Variants in MAP1A observed in about 807,000 individuals in gnomAD.
MAP1A encodes the protein microtubule-associated protein 1A.
A neutral mutation model predicts 185.9 loss-of-function variants in MAP1A; 42 were observed. The observed-to-expected ratio is 0.23, with a 90% CI of 0.18 to 0.29. The LOEUF (loss-of-function observed/expected upper bound fraction) is 0.29. Ranked by LOEUF, MAP1A falls within the 10% of genes least tolerant of loss-of-function variation. MAP1A has a pLI of 1.00. For missense variants in MAP1A, 2,995 were observed against 3,450.4 expected, an observed-to-expected ratio of 0.87 and a Z score of 3.31; for synonymous variants, 1,229 against 1,335.9, an observed-to-expected ratio of 0.92 and a Z score of 1.74.
intron 1 of MAP1A, among the ~76,000 whole-genome samples, chr15:43,511,423 A>C (rs1869258): frequency 0.46 from 70,342 of 151,934 alleles, 21,113 homozygotes; most frequent in African/African-American, 0.86. Context: ...GCCCATCCTT[A>C]CTGCACACTC....
chr15:43,526,267 A>C lies in MAP1A; in HGVS notation c.4794A>C (p.Glu1598Asp). 6.2e-7 allele frequency: 1 copy of C among 1,614,146 alleles called. No homozygotes were observed. The highest frequency in any genetic ancestry group is 8.5e-7 in the Non-Finnish European group (1 of 1,180,010). ...CCAGGAAACCAAAGATGCTAGAGGAAAAATCCCCAGAAAAGGTCAAGGCCA... is the reference window on the plus strand; with the variant it reads ...CCAGGAAACCAAAGATGCTAGAGGACAAATCCCCAGAAAAGGTCAAGGCCA... ...DKTRKPKMLEEKSPEKVKAME... is the reference protein window; with the variant it reads ...DKTRKPKMLEDKSPEKVKAME... The change falls in exon 4 of 6, where the codon GAA becomes GAC. Residue 1598 changes from glutamate to aspartate, a missense_variant. Glu to Asp is a conservative substitution (Grantham distance 45). Around this residue, in one of 3 missense-constraint regions of MAP1A, gnomAD observed 2,728 missense variants for 2,986.0 expected, o/e 0.91. Transcript: ENST00000300231. The surrounding 1 kb of genome is among the most constrained non-coding windows in gnomAD (Gnocchi z 4.7).
Position 43,522,504 on chromosome 15 carries a change from G to A in MAP1A, c.1031G>A (p.Gly344Glu), listed in dbSNP as rs200513920. Residue 344 changes from glycine to glutamate, a missense_variant, in exon 4 of 6, where the codon GGA becomes GAA. By Grantham distance (98) the Gly-to-Glu change is moderately conservative. Around this residue, in one of 3 missense-constraint regions of MAP1A, gnomAD observed 2,728 missense variants for 2,986.0 expected, o/e 0.91. Transcript: ENST00000300231. This position sits in a 1 kb window ranked among gnomAD's most constrained non-coding sequence, Gnocchi z 5.9. ...AAACGGGAGGAGGTGGTAGAAGAGG[G>A]AGCCAAGGAGGCACGTTCAGAGCTG... ...LAKREEVVEE[G>E]AKEARSELAK... The A allele has an allele frequency of 1.3e-4, 212 of 1,613,640 alleles. No homozygotes were observed. Among genetic ancestry groups the A allele is most frequent in the Non-Finnish European group, 1.6e-4 (184 of 1,179,890 alleles).
Position 43,511,076 on chromosome 15 carries a change from CT to C in MAP1A, c.89del (p.Leu30ArgfsTer29), listed in dbSNP as rs1182454096. On this transcript the variant is annotated frameshift_variant, in exon 1 of 7. Coordinates refer to the MAP1A transcript ENST00000382031. LOFTEE classifies it high-confidence loss of function. ...GGGGCTCCGAAGTCCCGGCGCACCG[CT>C]GGCTCAGAACCCCGCGGAGCTGCTG... 3.2e-6 allele frequency: 5 copies of C among 1,549,768 alleles called. No homozygotes were observed. The Admixed American group carries it at 9.8e-5, about 30-fold the overall frequency.
At chr15:43,517,409 T>C (rs551250573), upstream of MAP1A, among the ~76,000 whole-genome samples, 3 of 152,178 alleles carry the variant, frequency 2.0e-5, no homozygotes, top group Admixed American at 2.0e-4. Context: ...CTATGGGCCA[T>C]AGGACATTGC....
chr15:43,523,443 A>C lies in MAP1A; in HGVS notation c.1970A>C (p.Glu657Ala). The change falls in exon 4 of 6, where the codon GAG becomes GCG. Residue 657 changes from glutamate to alanine, a missense_variant. By Grantham distance (107) the Glu-to-Ala change is moderately radical. Transcript: ENST00000300231. ...AAGGAGGATGTGATAGAAAAGGCTG[A>C]GTTAGAAGAAATGGAGGAGGTACAC... Reference protein sequence around the residue: ...EVKEDVIEKAELEEMEEVHPS... With the variant: ...EVKEDVIEKAALEEMEEVHPS... 1 of 1,613,802 alleles carries C rather than the reference A, an allele frequency of 6.2e-7. No individual in the cohort carries two copies. Among genetic ancestry groups the C allele is most frequent in the South Asian group, 1.1e-5 (1 of 91,022 alleles).
At chr15:43,519,876 G>A (rs909009415) in intron 1 of MAP1A, among the ~76,000 whole-genome samples, 1 of 152,238 alleles carries the variant, frequency 6.6e-6, no homozygotes, top group Non-Finnish European at 1.5e-5. Flanking sequence ...ACAATGAATA[G>A]GTTGTGGGGT....
rs1057436170 is a variant in MAP1A, at chr15:43,524,631, C to A, written c.3158C>A (p.Pro1053His). The change falls in exon 4 of 6, where the codon CCT becomes CAT. Residue 1053 changes from proline to histidine, a missense_variant. Pro to His is a moderately conservative substitution (Grantham distance 77). Transcript: ENST00000300231. ...GCTGAGGAGACAGTCAAGCCAGGGCCTGAAGAGGGCACACTAGAGAAGGAA... is the reference window on the plus strand; with the variant it reads ...GCTGAGGAGACAGTCAAGCCAGGGCATGAAGAGGGCACACTAGAGAAGGAA... Reference protein sequence around the residue: ...DAAEETVKPGPEEGTLEKEEK... With the variant: ...DAAEETVKPGHEEGTLEKEEK... 3.7e-6 allele frequency: 6 copies of A among 1,614,052 alleles called. No homozygotes were observed. Among genetic ancestry groups the A allele is most frequent in the Non-Finnish European group, 2.5e-6 (3 of 1,180,034 alleles).
chr15:43,524,770 CTT>C lies in MAP1A; in HGVS notation c.3299_3300del (p.Phe1100Ter), dbSNP rs1362655232. 1 of 1,614,154 alleles carries C rather than the reference CTT, an allele frequency of 6.2e-7. No homozygotes were observed. The highest frequency in any genetic ancestry group is 8.5e-7 in the Non-Finnish European group (1 of 1,180,030). Reference protein sequence around the residue: ...LLPAQDKAIVFEIMEAGEPTG... With the variant: ...LLPAQDKAIVXEIMEAGEPTG... ...TGCCAGCACAGGATAAAGCAATAGT[CTT>C]TGAGATTATGGAGGCAGGAGAGCCC... On this transcript the variant is annotated frameshift_variant, in exon 4 of 6. Transcript: ENST00000300231. LOFTEE classifies it high-confidence loss of function.
At chr15:43,511,134 G>A (rs1190617753) in exon 1 of MAP1A, 5 of 1,550,364 alleles carry the variant, frequency 3.2e-6, no homozygotes, top group Non-Finnish European at 4.4e-6. Flanking sequence ...GCGGCTGCAC[G>A]CTGGGACCTG....
rs1188983412 is a variant in MAP1A, at chr15:43,525,013, C to T, written c.3540C>T (p.Tyr1180=). 5 of 1,614,172 alleles carry T rather than the reference C, an allele frequency of 3.1e-6. No individual in the cohort carries two copies. The African/African-American group carries it at 6.7e-5, about 22-fold the overall frequency. The part of the protein sequence containing the change: ...PKSPCGLTEQ[Y]LHKDRWPEVS... ...CTCCCTGTGGCCTGACAGAACAGTA[C>T]CTACACAAAGACCGTTGGCCAGAGG... Residue 1180 remains tyrosine, a synonymous_variant, in exon 4 of 6, where the codon TAC becomes TAT. Coordinates refer to ENST00000300231, the MANE Select transcript of MAP1A (RefSeq NM_002373.6).
chr15:43,526,008 A>G lies in MAP1A; in HGVS notation c.4535A>G (p.Glu1512Gly), dbSNP rs781223855. 2 of 1,613,714 alleles carry G rather than the reference A, an allele frequency of 1.2e-6. No homozygotes were observed. The highest frequency in any genetic ancestry group is 3.3e-5 in the Admixed American group (2 of 59,870). Residue 1512 changes from glutamate to glycine, a missense_variant, in exon 4 of 6, where the codon GAG becomes GGG. Glu to Gly is a moderately conservative substitution (Grantham distance 98, BLOSUM62 -2). Coordinates refer to ENST00000300231, the MANE Select transcript of MAP1A (RefSeq NM_002373.6). This position sits in a 1 kb window ranked among gnomAD's most constrained non-coding sequence, Gnocchi z 4.7. ...KVRSVEHKAP[E>G]DTVAEMKDRD... is the part of the protein sequence containing the mutation. ...AGAAGTGTTGAACATAAGGCTCCGG[A>G]GGACACGGTCGCTGAAATGAAGGAC...
At chr15:43,518,130 C>T (rs1179342312) in intron 1 of MAP1A, among the ~76,000 whole-genome samples, 2 of 152,168 alleles carry the variant, frequency 1.3e-5, no homozygotes, top group East Asian at 3.9e-4. Context: ...CTCAGCTGCT[C>T]CTATGCTGGG....
At chr15:43,514,981 C>T (rs139753471), upstream of MAP1A, among the ~76,000 whole-genome samples, 1,255 of 152,124 alleles carry the variant, frequency 8.2e-3, 19 homozygotes, top group African/African-American at 0.029. Flanking sequence ...TTTGGGAGGC[C>T]GAGGTGGGTG....
In MAP1A at chr15:43,522,925, C is replaced by A; in HGVS notation, c.1452C>A (p.Val484=). 6.2e-7 allele frequency: 1 copy of A among 1,613,718 alleles called. No homozygotes were observed. The highest frequency in any genetic ancestry group is 8.5e-7 in the Non-Finnish European group (1 of 1,179,822). ...TLYKAKVPGR[V]KIDRSRAIRG... ...ATAAAGCCAAGGTCCCTGGAAGAGT[C>A]AAAATAGACAGGAGCCGTGCTATCC... Residue 484 remains valine (V), a synonymous_variant, in exon 4 of 6, where the codon GTC becomes GTA. Transcript: ENST00000300231. This position sits in a 1 kb window ranked among gnomAD's most constrained non-coding sequence, Gnocchi z 5.9.
Position 43,527,918 on chromosome 15 carries a change from C to T in MAP1A, c.6445C>T (p.Pro2149Ser), listed in dbSNP as rs1376097272. 6 of 1,614,170 alleles carry T rather than the reference C, an allele frequency of 3.7e-6. No individual in the cohort carries two copies. Among genetic ancestry groups the T allele is most frequent in the South Asian group, 1.1e-5 (1 of 91,082 alleles). Reference protein sequence around the residue: ...WPETEAHVSPPLDSHLGPARP... With the variant: ...WPETEAHVSPSLDSHLGPARP... Reference sequence around the variant, plus strand: ...AGAAACTGAGGCACATGTTAGCCCTCCCTTGGACTCACACCTGGGGCCTGC... The same window carrying T: ...AGAAACTGAGGCACATGTTAGCCCTTCCTTGGACTCACACCTGGGGCCTGC... Residue 2149 changes from proline to serine, a missense_variant, in exon 4 of 6, where the codon CCC becomes TCC. By Grantham distance (74) the Pro-to-Ser change is moderately conservative (BLOSUM62 -1). Around this residue, in one of 3 missense-constraint regions of MAP1A, gnomAD observed 2,728 missense variants for 2,986.0 expected, o/e 0.91. Transcript: ENST00000300231.
Position 43,528,844 on chromosome 15 carries a change from G to C in MAP1A, c.7371G>C (p.Leu2457=), listed in dbSNP as rs966954145. 1 of 1,613,274 alleles carries C rather than the reference G, an allele frequency of 6.2e-7. No individual in the cohort carries two copies. The highest frequency in any genetic ancestry group is 2.2e-5 in the East Asian group (1 of 44,866). The change falls in exon 4 of 6, where the codon CTG becomes CTC. Residue 2457 remains leucine, a synonymous_variant. Transcript: ENST00000300231. ...CCCCATCCTTCCTGAACCCACCTCT[G>C]CCCCCATCCATAGATGATAGGGACC... ...ELSPSFLNPP[L]PPSIDDRDLS...
rs558601400 is a variant in MAP1A at position 43,522,788 on chromosome 15, GAGA to G, written c.1321_1323del (p.Lys441del). On this transcript the variant is annotated inframe_deletion, in exon 4 of 6. Transcript: ENST00000300231. The surrounding 1 kb of genome is among the most constrained non-coding windows in gnomAD (Gnocchi z 5.9). ...CAAGAAGGATGAAGGAAGGAAGGAG[GAGA>G]AGAAGGATGCCAAGAAGGAGGAGAA... The G allele has an allele frequency of 9.0e-5, 141 of 1,565,246 alleles. No homozygotes were observed. The highest frequency in any genetic ancestry group is 6.9e-4 in the African/African-American group (51 of 73,702).
At position 43,529,347 on chromosome 15, in the gene MAP1A, G is replaced by A. The variant is rs768825379; in HGVS notation, c.7874G>A (p.Arg2625Gln). The change falls in exon 4 of 6, where the codon CGG (arginine) becomes CAG (glutamine). Residue 2625 changes from arginine (R) to glutamine (Q), a missense_variant. Arg to Gln is a conservative substitution (Grantham distance 43, BLOSUM62 1). Around this residue, in one of 3 missense-constraint regions of MAP1A, gnomAD observed 2,728 missense variants for 2,986.0 expected, o/e 0.91. Coordinates refer to ENST00000300231, the MANE Select transcript of MAP1A (RefSeq NM_002373.6). The surrounding 1 kb of genome is among the most constrained non-coding windows in gnomAD (Gnocchi z 4.3). ...PASPARRLDL[R>Q]GKRSPTPGKG... Reference sequence around the variant, plus strand: ...TCCCCTGCACGGCGTCTGGATCTTCGGGGAAAACGCTCACCCACCCCTGGT... The same window carrying A: ...TCCCCTGCACGGCGTCTGGATCTTCAGGGAAAACGCTCACCCACCCCTGGT... 2.5e-5 allele frequency: 40 copies of A among 1,613,838 alleles called. No homozygotes were observed. The highest frequency in any genetic ancestry group is 1.6e-4 in the Middle Eastern group (1 of 6,084).
Position 43,517,688 on chromosome 15 carries a change from C to T in MAP1A, c.-387C>T. On this transcript the variant is annotated 5_prime_UTR_variant, in exon 1 of 6. Coordinates refer to ENST00000300231, the MANE Select transcript of MAP1A (RefSeq NM_002373.6). ...CTGCCGCCTCCATGAGAGGCTTCCT[C>T]CTACACCCCAGGGTAAGAACCGAAC... The T allele has an allele frequency of 1.0e-6, 1 of 984,300 alleles. No homozygotes were observed. The highest frequency in any genetic ancestry group is 1.2e-6 in the Non-Finnish European group (1 of 829,252). The allele number at this position is 984,300 out of a possible 1,614,324, so 61.0% of individuals were successfully genotyped here. A position where few individuals can be genotyped will look rare whatever the true frequency, so the allele number is the denominator to read the frequency against.
Sources: gnomAD v4.1 joint callset for allele counts (sites outside exome capture counted in the v4.1 genomes callset) on GRCh38, gnomAD v4.1.1 for gene constraint, gnomAD v4.1.1 regional missense constraint, Gnocchi (gnomAD v3.1) non-coding constraint, MANE v1.5 for transcripts, NCBI Gene and HGNC (gene_info 2026-07-23, HGNC 2026-07-21) for gene names.